The following MEF2C variants were observed in gnomAD, a reference collection of about 807,000 sequenced individuals.
MEF2C encodes the protein myocyte-specific enhancer factor 2C.
Under a neutral mutation model 50.5 loss-of-function variants are expected in MEF2C, and 6 were observed. The ratio of observed to expected loss-of-function variants is 0.12; its 90% confidence interval spans 0.07 to 0.23. The LOEUF (loss-of-function observed/expected upper bound fraction) is 0.23, where lower values mean the gene tolerates loss of function less well. Ranked by LOEUF, MEF2C falls within the 10% of genes least tolerant of loss-of-function variation. The pLI is 1.00. For synonymous variants in MEF2C, 183 were observed against 228.0 expected, an observed-to-expected ratio of 0.80 and a Z score of 1.78; for missense variants, 276 against 605.0, an observed-to-expected ratio of 0.46 and a Z score of 5.70.
chr5:88,731,599 C>A, intron 7 of MEF2C, 130 bp downstream of exon 7: 1 of 823,124 alleles, frequency 1.2e-6, no homozygotes, highest in Non-Finnish European at 2.0e-6. Flanking sequence ...AAGCAAGGCT[C>A]TGTCAATGGC....
chr5:88,828,064 GTTCT>G (rs1185127361), intron 1 of MEF2C, among the ~76,000 whole-genome samples: 1 of 151,910 alleles, frequency 6.6e-6, no homozygotes, highest in Non-Finnish European at 1.5e-5. Flanking sequence ...TCACTATTAG[GTTCT>G]TTCTAACATG....
At chr5:88,737,856 C>A (rs1202050730) in intron 6 of MEF2C, 2 of 985,092 alleles carry the variant, frequency 2.0e-6, no homozygotes, top group African/African-American at 3.5e-5. Context: ...AAGCTTTTAC[C>A]AAATTTTATA....
intron 6 of MEF2C, among the ~76,000 whole-genome samples, chr5:88,744,415 T>C (rs897394033): frequency 6.6e-6 from 1 of 152,136 alleles, no homozygotes; most frequent in Non-Finnish European, 1.5e-5. Flanking sequence ...TAGCTGGGCA[T>C]GGCAGCGTGC....
chr5:88,765,923 T>C (rs1779847400), intron 3 of MEF2C, among the ~76,000 whole-genome samples: 1 of 152,180 alleles, frequency 6.6e-6, no homozygotes, highest in Non-Finnish European at 1.5e-5. Context: ...AGTGACACTG[T>C]TGAGGTAGAT....
At chr5:88,866,930 T>C (rs1054352559) in intron 1 of MEF2C, among the ~76,000 whole-genome samples, 3 of 152,238 alleles carry the variant, frequency 2.0e-5, no homozygotes, top group Non-Finnish European at 4.4e-5. Flanking sequence ...TTACTATGAT[T>C]CTTGCAAATG....
rs563026535 is a variant in MEF2C at position 88,721,130 on chromosome 5, G to A, written c.*1474C>T. On this transcript the variant is annotated 3_prime_UTR_variant, in exon 11 of 11. Coordinates refer to ENST00000504921, the MANE Select transcript of MEF2C (RefSeq NM_002397.5). ...CTTGTTTCTAGGGCCATATTTGCAG[G>A]ACATGTGCCCCAACATAGCTTTTCT... 1 of 152,494 alleles carries A rather than the reference G, an allele frequency of 6.6e-6. No individual in the cohort carries two copies. The highest frequency in any genetic ancestry group is 1.9e-4 in the East Asian group (1 of 5,202). The allele number at this position is 152,494 out of a possible 1,614,324, so 9.4% of individuals were successfully genotyped here.
At chr5:88,835,574 G>T (rs1300327591) in intron 1 of MEF2C, among the ~76,000 whole-genome samples, 3 of 152,068 alleles carry the variant, frequency 2.0e-5, no homozygotes, top group African/African-American at 7.2e-5. Flanking sequence ...CACTTTGAGA[G>T]GCCGAGGCAT....
intron 3 of MEF2C, among the ~76,000 whole-genome samples, chr5:88,799,878 A>T (rs868755061): frequency 8.2e-4 from 70 of 85,640 alleles, no homozygotes; most frequent in African/African-American, 2.2e-3. Flanking sequence ...TCTCACACAC[A>T]CACACACACA....
chr5:88,861,032 G>C (rs369492105), intron 1 of MEF2C, among the ~76,000 whole-genome samples: 1 of 152,036 alleles, frequency 6.6e-6, no homozygotes, highest in African/African-American at 2.4e-5. Flanking sequence ...GGAATGATGC[G>C]GCTGGTCTCA....
intron 3 of MEF2C, chr5:88,771,985 T>C (rs1475786332): frequency 6.6e-6 from 1 of 152,388 alleles, no homozygotes; most frequent in Non-Finnish European, 1.5e-5. Flanking sequence ...CATCTGTGGC[T>C]GCTGCTGCTC....
chr5:88,745,650 G>GA (rs35546989), intron 6 of MEF2C, among the ~76,000 whole-genome samples: 110,203 of 151,926 alleles, frequency 0.73, 40,714 homozygotes, highest in East Asian at 0.92. Flanking sequence ...TCTCTATAAG[G>GA]AAAAAAATTA....
At chr5:88,828,173 T>C (rs1811682691) in intron 1 of MEF2C, among the ~76,000 whole-genome samples, 1 of 151,956 alleles carries the variant, frequency 6.6e-6, no homozygotes, top group Admixed American at 6.6e-5. Flanking sequence ...CCCACAACAC[T>C]TTGATTTAGA....
At chr5:88,817,324 T>G (rs1805932441) in intron 2 of MEF2C, among the ~76,000 whole-genome samples, 1 of 152,016 alleles carries the variant, frequency 6.6e-6, no homozygotes, top group South Asian at 2.1e-4. Flanking sequence ...TATACATCTC[T>G]TTTTATTTTT....
intron 3 of MEF2C, among the ~76,000 whole-genome samples, chr5:88,780,248 C>T (rs951531041): frequency 7.9e-5 from 12 of 152,074 alleles, no homozygotes; most frequent in African/African-American, 2.9e-4. Flanking sequence ...GTGGAAAACA[C>T]TGAAATATTT....
At chr5:88,784,940 T>C (rs1306160013) in intron 3 of MEF2C, among the ~76,000 whole-genome samples, 1 of 152,144 alleles carries the variant, frequency 6.6e-6, no homozygotes, top group East Asian at 1.9e-4. Context: ...GAATCACTTG[T>C]GGTCTGCATC....
intron 1 of MEF2C, among the ~76,000 whole-genome samples, chr5:88,831,067 C>T (rs1812811112): frequency 6.6e-6 from 1 of 152,000 alleles, no homozygotes; most frequent in South Asian, 2.1e-4. Context: ...TCTCATGACC[C>T]TGTTAGAAAA....
chr5:88,856,968 G>T (rs910074513), intron 1 of MEF2C, among the ~76,000 whole-genome samples: 6 of 152,216 alleles, frequency 3.9e-5, no homozygotes, highest in Non-Finnish European at 8.8e-5. Flanking sequence ...CCAGATCCCA[G>T]AATGGTAGAT....
intron 1 of MEF2C, among the ~76,000 whole-genome samples, chr5:88,894,429 T>G (rs1444153285): frequency 6.6e-6 from 1 of 152,250 alleles, no homozygotes; most frequent in African/African-American, 2.4e-5. Flanking sequence ...CATGTCATCC[T>G]CTTTAAGGTA....
intron 1 of MEF2C, among the ~76,000 whole-genome samples, chr5:88,844,166 G>T (rs1024528302): frequency 6.6e-6 from 1 of 152,090 alleles, no homozygotes; most frequent in African/African-American, 2.4e-5. Context: ...CATGCCCCAG[G>T]CATGTTATTT....
Sources: allele counts gnomAD v4.1 joint callset (sites outside exome capture counted in the v4.1 genomes callset), GRCh38; gene constraint gnomAD v4.1.1; transcripts MANE v1.5; gene names NCBI Gene and HGNC (gene_info 2026-07-23, HGNC 2026-07-21).